Variants in CCSER1 observed in about 807,000 individuals in gnomAD.
CCSER1 encodes serine-rich coiled-coil domain-containing protein 1.
CCSER1 carries 41 observed loss-of-function variants against 82.0 expected under a neutral mutation model. The observed-to-expected ratio is 0.50, with a 90% confidence interval of 0.39 to 0.65. CCSER1 has a LOEUF of 0.65. Ranked by LOEUF, CCSER1 falls within the 30% of genes least tolerant of loss-of-function variation. The probability of loss-of-function intolerance (pLI) is 0.00; values close to 1 mark genes in which losing one functional copy is unlikely to be tolerated. For missense variants in CCSER1, 1,119 were observed against 1,064.2 expected, an observed-to-expected ratio of 1.05 and a Z score of -0.72; for synonymous variants, 414 against 383.9, an observed-to-expected ratio of 1.08 and a Z score of -0.92.
intron 10 of CCSER1, among the ~76,000 whole-genome samples, chr4:91,355,895 C>T (rs779013723): frequency 6.6e-6 from 1 of 152,126 alleles, no homozygotes; most frequent in Non-Finnish European, 1.5e-5. Flanking sequence ...CTCCCTGATA[C>T]CAGGAGTAAG....
intron 3 of CCSER1, among the ~76,000 whole-genome samples, chr4:90,351,915 TTG>T (rs1743515942): frequency 6.6e-6 from 1 of 152,206 alleles, no homozygotes; most frequent in African/African-American, 2.4e-5. Context: ...TATACTTTTT[TTG>T]TGTGTGTTTT....
intron 1 of CCSER1, among the ~76,000 whole-genome samples, chr4:90,140,955 G>A (rs1275197958): frequency 1.3e-5 from 2 of 151,910 alleles, no homozygotes; most frequent in African/African-American, 2.4e-5. Flanking sequence ...GTGAGCCACC[G>A]CGCCCGGCCT....
At chr4:90,815,088 G>A (rs1758822660) in intron 7 of CCSER1, among the ~76,000 whole-genome samples, 1 of 152,154 alleles carries the variant, frequency 6.6e-6, no homozygotes, top group Non-Finnish European at 1.5e-5. Flanking sequence ...AGTTTCTCAT[G>A]ACTGGGGAAG....
intron 3 of CCSER1, among the ~76,000 whole-genome samples, chr4:90,317,970 C>T (rs904274294): frequency 1.3e-5 from 2 of 152,084 alleles, no homozygotes; most frequent in African/African-American, 2.4e-5. Context: ...TATCTAGAGG[C>T]GGAGACTTAG....
intron 1 of CCSER1, among the ~76,000 whole-genome samples, chr4:90,263,861 C>A (rs931029751): frequency 3.9e-5 from 6 of 152,130 alleles, no homozygotes; most frequent in African/African-American, 1.4e-4. Context: ...TTCTTCTGTG[C>A]AGCAGACTAT....
chr4:90,717,868 C>A (rs937777020), intron 6 of CCSER1, among the ~76,000 whole-genome samples: 3 of 151,034 alleles, frequency 2.0e-5, no homozygotes, highest in African/African-American at 7.3e-5. Flanking sequence ...TTACTAAGTT[C>A]TTGGGCCAAC....
At chr4:91,476,805 A>G (rs1452227958) in intron 10 of CCSER1, among the ~76,000 whole-genome samples, 6 of 151,736 alleles carry the variant, frequency 4.0e-5, no homozygotes, top group African/African-American at 1.4e-4. Context: ...CCAAAAACAT[A>G]CATTGAAGAA....
intron 6 of CCSER1, among the ~76,000 whole-genome samples, chr4:90,719,410 AG>A (rs1742282319): frequency 6.6e-6 from 1 of 152,174 alleles, no homozygotes; most frequent in African/African-American, 2.4e-5. Context: ...GTTACAATGT[AG>A]TAATAATAGA....
At chr4:90,301,494 G>T (rs1270120964) in intron 1 of CCSER1, among the ~76,000 whole-genome samples, 2 of 152,026 alleles carry the variant, frequency 1.3e-5, no homozygotes, top group Admixed American at 1.3e-4. Context: ...TTCTAATAGG[G>T]TCTGTATACA....
chr4:90,995,315 T>G (rs1158168410), intron 9 of CCSER1, among the ~76,000 whole-genome samples: 1 of 152,162 alleles, frequency 6.6e-6, no homozygotes, highest in Non-Finnish European at 1.5e-5. Flanking sequence ...TCATGATATA[T>G]TTTCCATTAG....
chr4:90,781,489 G>A (rs1259454033), intron 7 of CCSER1: 2 of 985,082 alleles, frequency 2.0e-6, no homozygotes, highest in African/African-American at 1.7e-5. Flanking sequence ...ATGGAACTGA[G>A]TGTGTAATCT....
chr4:90,796,664 G>T (rs1472538179), intron 7 of CCSER1, among the ~76,000 whole-genome samples: 1 of 152,078 alleles, frequency 6.6e-6, no homozygotes, highest in Non-Finnish European at 1.5e-5. Flanking sequence ...CTGTGTCCCA[G>T]GGATTCTGGT....
intron 10 of CCSER1, among the ~76,000 whole-genome samples, chr4:91,422,227 A>C (rs1398535037): frequency 6.6e-6 from 1 of 152,012 alleles, no homozygotes; most frequent in African/African-American, 2.4e-5. Flanking sequence ...GCAAAAAAAA[A>C]ACCCCTGTAC....
At chr4:90,606,215 T>C (rs1363330311) in intron 5 of CCSER1, among the ~76,000 whole-genome samples, 1 of 152,186 alleles carries the variant, frequency 6.6e-6, no homozygotes, top group African/African-American at 2.4e-5. Context: ...GTTGTTATTA[T>C]ACTGTCATGT....
At chr4:91,459,049 A>G (rs1922228) in intron 10 of CCSER1, among the ~76,000 whole-genome samples, 127,323 of 151,980 alleles carry the variant, frequency 0.84, 53,811 homozygotes, top group African/African-American at 0.94. Context: ...GACACAATAT[A>G]TAATGTTTCC....
intron 10 of CCSER1, among the ~76,000 whole-genome samples, chr4:91,304,297 A>G (rs1319836819): frequency 6.6e-6 from 1 of 152,108 alleles, no homozygotes; most frequent in Non-Finnish European, 1.5e-5. Flanking sequence ...TTTTAGTATT[A>G]TGTTTATTTA....
At chr4:90,381,978 A>C (rs895405876) in intron 3 of CCSER1, among the ~76,000 whole-genome samples, 1 of 152,104 alleles carries the variant, frequency 6.6e-6, no homozygotes, top group Non-Finnish European at 1.5e-5. Context: ...ATTGTAGAGC[A>C]CTTCATCCAT....
chr4:91,261,456 A>G (rs1741123554), intron 10 of CCSER1, among the ~76,000 whole-genome samples: 1 of 152,194 alleles, frequency 6.6e-6, no homozygotes, highest in Non-Finnish European at 1.5e-5. Context: ...ACTAGTTGTC[A>G]ATATGGTATC....
intron 5 of CCSER1, among the ~76,000 whole-genome samples, chr4:90,504,360 A>G (rs767209083): frequency 1.3e-5 from 2 of 152,210 alleles, no homozygotes; most frequent in Non-Finnish European, 2.9e-5. Context: ...ACACATCTAG[A>G]TATGTATACA....
Sources: allele counts gnomAD v4.1 joint callset (sites outside exome capture counted in the v4.1 genomes callset), GRCh38; gene constraint gnomAD v4.1.1; transcripts MANE v1.5; gene names NCBI Gene and HGNC (gene_info 2026-07-23, HGNC 2026-07-21).